The following CFAP210 variants were observed in gnomAD, a reference collection of about 807,000 sequenced individuals.
CFAP210 encodes the protein cilia and flagella associated protein 210, also known as cilia- and flagella- associated protein 210.
At chr2:169,680,958 CAA>C in the CFAP210 span, 1 of 1,474,182 alleles carries the variant, frequency 6.8e-7, no homozygotes, top group Non-Finnish European at 9.4e-7. Flanking sequence ...TACTAAGAAA[CAA>C]GAGTAAGTCT....
the CFAP210 span, among the ~76,000 whole-genome samples, chr2:169,685,944 T>C: frequency 6.6e-6 from 1 of 152,222 alleles, no homozygotes; most frequent in Non-Finnish European, 1.5e-5. Context: ...TATTTCATTA[T>C]TTCTATTACA....
the CFAP210 span, among the ~76,000 whole-genome samples, chr2:169,663,135 C>A: frequency 2.0e-5 from 3 of 152,224 alleles, no homozygotes. Context: ...AAAGGCCCTT[C>A]ATCCAGCAGC....
the CFAP210 span, among the ~76,000 whole-genome samples, chr2:169,668,337 T>C: frequency 6.6e-6 from 1 of 152,214 alleles, no homozygotes; most frequent in Non-Finnish European, 1.5e-5. Context: ...TGGTTTGAGC[T>C]TCTATCCAAA....
chr2:169,646,671 A>C, the CFAP210 span, among the ~76,000 whole-genome samples: 1 of 152,340 alleles, frequency 6.6e-6, no homozygotes, highest in Middle Eastern at 3.4e-3. Context: ...TATTTCCCGA[A>C]AATTTAAAAT....
At chr2:169,673,930 T>C in the CFAP210 span, among the ~76,000 whole-genome samples, 19 of 152,298 alleles carry the variant, frequency 1.2e-4, no homozygotes, top group African/African-American at 4.6e-4. Context: ...AAAACAGTAA[T>C]AGTAACTTCC....
the CFAP210 span, chr2:169,694,143 G>T: frequency 4.2e-6 from 4 of 949,482 alleles, no homozygotes; most frequent in South Asian, 2.8e-5. Flanking sequence ...GGATGCTTTC[G>T]ACCTGGTGGA....
the CFAP210 span, among the ~76,000 whole-genome samples, chr2:169,675,863 TC>T: frequency 6.6e-6 from 1 of 152,248 alleles, no homozygotes; most frequent in Non-Finnish European, 1.5e-5. Context: ...TATATGCTCT[TC>T]TATAACTCTG....
chr2:169,692,153 C>T, the CFAP210 span, among the ~76,000 whole-genome samples: 3 of 152,134 alleles, frequency 2.0e-5, no homozygotes, highest in Non-Finnish European at 2.9e-5. Context: ...ATGTCAGGAG[C>T]TTTCCAAAGC....
chr2:169,651,858 T>C, the CFAP210 span, among the ~76,000 whole-genome samples: 3 of 148,864 alleles, frequency 2.0e-5, no homozygotes, highest in African/African-American at 5.0e-5. Context: ...AATTTCTCCC[T>C]TTACACTATA....
the CFAP210 span, among the ~76,000 whole-genome samples, chr2:169,676,322 T>A: frequency 1.3e-5 from 2 of 151,234 alleles, no homozygotes; most frequent in Non-Finnish European, 2.9e-5. Flanking sequence ...TCATCTTTAA[T>A]ACCAATGGAG....
At chr2:169,688,215 C>T in the CFAP210 span, among the ~76,000 whole-genome samples, 1 of 152,202 alleles carries the variant, frequency 6.6e-6, no homozygotes, top group Non-Finnish European at 1.5e-5. Context: ...AGACATTTTC[C>T]CCATGGTCCT....
chr2:169,690,151 G>T, the CFAP210 span, among the ~76,000 whole-genome samples: 1 of 152,244 alleles, frequency 6.6e-6, no homozygotes, highest in African/African-American at 2.4e-5. Context: ...TGGGAGGTGT[G>T]TGCCACATCT....
the CFAP210 span, among the ~76,000 whole-genome samples, chr2:169,653,919 A>T: frequency 0.022 from 3,367 of 152,286 alleles, 121 homozygotes; most frequent in African/African-American, 0.076. Flanking sequence ...CTACAAGATG[A>T]TGTCCTCACA....
At chr2:169,680,791 G>A in the CFAP210 span, among the ~76,000 whole-genome samples, 1 of 151,998 alleles carries the variant, frequency 6.6e-6, no homozygotes, top group Non-Finnish European at 1.5e-5. Flanking sequence ...GATGGTTTTG[G>A]GGTTTATACA....
chr2:169,694,357 G>T, the CFAP210 span: 2 of 1,609,334 alleles, frequency 1.2e-6, no homozygotes, highest in Non-Finnish European at 8.5e-7. Flanking sequence ...AAGTGACTGT[G>T]GCGCCAAGCG....
chr2:169,686,190 G>A, the CFAP210 span, among the ~76,000 whole-genome samples: 61,975 of 151,950 alleles, frequency 0.41, 12,923 homozygotes, highest in Non-Finnish European at 0.44. Flanking sequence ...CAGCCAATGA[G>A]TGTAGCTTTG....
chr2:169,661,007 T>A, the CFAP210 span: 4 of 484,056 alleles, frequency 8.3e-6, no homozygotes, highest in Non-Finnish European at 1.6e-5. Context: ...AACCAGAGTG[T>A]GAAATGAAGA....
chr2:169,680,261 T>G, the CFAP210 span, among the ~76,000 whole-genome samples: 1 of 152,196 alleles, frequency 6.6e-6, no homozygotes, highest in Admixed American at 6.5e-5. Flanking sequence ...ATACCAAGTG[T>G]TGTTGAGGAT....
chr2:169,663,210 C>T, the CFAP210 span, among the ~76,000 whole-genome samples: 7 of 152,230 alleles, frequency 4.6e-5, no homozygotes, highest in South Asian at 2.1e-4. Flanking sequence ...GGAAAACTCA[C>T]GCATCCTTGC....
Sources: gnomAD v4.1 joint callset for allele counts (sites outside exome capture counted in the v4.1 genomes callset) on GRCh38, gnomAD v4.1.1 for gene constraint, MANE v1.5 for transcripts, NCBI Gene and HGNC (gene_info 2026-07-23, HGNC 2026-07-21) for gene names.